The following KPNA6 variants were observed in gnomAD, a reference collection of about 807,000 sequenced individuals.
The protein encoded by KPNA6 is karyopherin subunit alpha 6, also known as importin subunit alpha-7.
Under a neutral mutation model 72.0 loss-of-function variants are expected in KPNA6, and 9 were observed. That is an observed-to-expected ratio of 0.13 (90% CI 0.08 to 0.22). KPNA6 has a LOEUF of 0.22. Among genes scored for constraint, KPNA6 ranks in the 10% least tolerant of loss-of-function variants. KPNA6 has a pLI of 1.00. For missense variants in KPNA6, 374 were observed against 655.7 expected, an observed-to-expected ratio of 0.57 and a Z score of 4.69; for synonymous variants, 219 against 242.1, an observed-to-expected ratio of 0.90 and a Z score of 0.89.
intron 1 of KPNA6, among the ~76,000 whole-genome samples, chr1:32,117,178 GTTT>G (rs1204898617): frequency 7.1e-6 from 1 of 141,284 alleles, no homozygotes; most frequent in Admixed American, 7.1e-5. Context: ...GTTTTTTTTT[GTTT>G]TTTTTTTTTG....
chr1:32,157,535 C>A, intron 4 of KPNA6, 90 bp downstream of exon 4: 1 of 889,222 alleles, frequency 1.1e-6, no homozygotes, highest in Non-Finnish European at 1.8e-6. Flanking sequence ...TGCCCTCACT[C>A]ATTCTGCTCT....
chr1:32,111,004 C>G (rs1356422104), intron 1 of KPNA6, among the ~76,000 whole-genome samples: 2 of 152,200 alleles, frequency 1.3e-5, no homozygotes, highest in Non-Finnish European at 2.9e-5. Flanking sequence ...CTTAAGCACT[C>G]TGGTTTCCAG....
chr1:32,154,057 G>A (rs189259097), intron 1 of KPNA6, among the ~76,000 whole-genome samples: 1 of 152,084 alleles, frequency 6.6e-6, no homozygotes, highest in African/African-American at 2.4e-5. Flanking sequence ...TGAGGCAGGA[G>A]AATCACGTGA....
chr1:32,159,338 C>T (rs1570060927), intron 5 of KPNA6, 62 bp from the exon 6 acceptor site: 9 of 1,567,694 alleles, frequency 5.7e-6, no homozygotes, highest in Non-Finnish European at 7.8e-6. Context: ...TCTGAGCCAG[C>T]TGATAGGCAT....
intron 1 of KPNA6, among the ~76,000 whole-genome samples, chr1:32,139,093 G>A (rs577379974): frequency 6.6e-6 from 1 of 152,104 alleles, no homozygotes; most frequent in Non-Finnish European, 1.5e-5. Flanking sequence ...GTTGTGGCTA[G>A]GCCTTGTGTC....
At chr1:32,108,387 G>T (rs908467064) in intron 1 of KPNA6, among the ~76,000 whole-genome samples, 1 of 152,254 alleles carries the variant, frequency 6.6e-6, no homozygotes, top group Non-Finnish European at 1.5e-5. Flanking sequence ...GTGGCCTCGG[G>T]CAGGAGCCCA....
At chr1:32,114,594 G>A in intron 1 of KPNA6, among the ~76,000 whole-genome samples, 1 of 151,988 alleles carries the variant, frequency 6.6e-6, no homozygotes, top group East Asian at 1.9e-4. Flanking sequence ...TAGTAATTGA[G>A]CATTGACTTC....
chr1:32,120,796 G>T (rs905306657), intron 1 of KPNA6, among the ~76,000 whole-genome samples: 4 of 151,646 alleles, frequency 2.6e-5, no homozygotes, highest in African/African-American at 9.7e-5. Flanking sequence ...TTGAACACCT[G>T]ACCTCAGGTG....
chr1:32,172,340 G>A lies in KPNA6; in HGVS notation c.*1446G>A, dbSNP rs1388640516. The A allele has an allele frequency of 6.6e-6, 1 of 152,128 alleles. No individual in the cohort carries two copies. The highest frequency in any genetic ancestry group is 1.5e-5 in the Non-Finnish European group (1 of 68,060). 9.4% of individuals were successfully genotyped at this position (152,128 alleles called of 1,614,324 possible). ...ATGGCCTCAGGGCCTGGTGAAGTCT[G>A]CTACTCTGTCCTTACTGCTGAACAT... On this transcript the variant is annotated 3_prime_UTR_variant, in exon 14 of 14. Coordinates refer to ENST00000373625, the MANE Select transcript of KPNA6 (RefSeq NM_012316.5).
chr1:32,114,541 C>T (rs1019824455), intron 1 of KPNA6, among the ~76,000 whole-genome samples: 1 of 151,630 alleles, frequency 6.6e-6, no homozygotes, highest in African/African-American at 2.4e-5. Context: ...AGCATAAACA[C>T]AGTGGATTCA....
intron 1 of KPNA6, among the ~76,000 whole-genome samples, chr1:32,128,077 G>A (rs905042211): frequency 4.0e-5 from 6 of 151,894 alleles, no homozygotes; most frequent in Admixed American, 3.3e-4. Context: ...ACTTTAATTC[G>A]TTTTAGTCCC....
At chr1:32,146,585 A>G (rs542703844) in intron 1 of KPNA6, among the ~76,000 whole-genome samples, 1 of 152,330 alleles carries the variant, frequency 6.6e-6, no homozygotes, top group East Asian at 1.9e-4. Context: ...GAAGCATACA[A>G]AACTGCTCAT....
At chr1:32,162,173 G>C (rs906127154) in intron 8 of KPNA6, 127 bp downstream of exon 8, 15 of 922,326 alleles carry the variant, frequency 1.6e-5, no homozygotes, top group Admixed American at 8.7e-5. Context: ...TAGTGAAGTA[G>C]ATGATCTTGT....
intron 1 of KPNA6, among the ~76,000 whole-genome samples, chr1:32,139,611 A>G (rs1221843056): frequency 6.6e-6 from 1 of 152,248 alleles, no homozygotes. Context: ...GAGGCGTTCT[A>G]TAAGAAAACT....
At chr1:32,142,294 G>A (rs935897608) in intron 1 of KPNA6, among the ~76,000 whole-genome samples, 3 of 150,592 alleles carry the variant, frequency 2.0e-5, no homozygotes, top group Admixed American at 1.3e-4. Flanking sequence ...TGTCAGAAGG[G>A]TTGTTTTATT....
At chr1:32,129,763 A>C (rs768898155) in intron 1 of KPNA6, among the ~76,000 whole-genome samples, 1 of 152,074 alleles carries the variant, frequency 6.6e-6, no homozygotes, top group African/African-American at 2.4e-5. Context: ...AGGTCTCACT[A>C]TGTTTCCCAG....
At chr1:32,143,072 C>T (rs1176138132) in intron 1 of KPNA6, 1 of 1,083,538 alleles carries the variant, frequency 9.2e-7, no homozygotes, top group Admixed American at 2.3e-5. Flanking sequence ...AATCTGTTGT[C>T]TACTCTGTTA....
At position 32,171,038 on chromosome 1, in the gene KPNA6, G is replaced by A. The variant is rs187064810; in HGVS notation, c.*144G>A. The stretch of plus-strand genomic sequence containing the variant: ...GGAGACTGTGCTCTTGACCTGCTCC[G>A]CCCCCTTCCCTGGAGGGAGCACCCT... On this transcript the variant is annotated 3_prime_UTR_variant, in exon 14 of 14. Transcript: ENST00000373625. 3.1e-4 allele frequency: 216 copies of A among 693,116 alleles called. No homozygotes were observed. The African/African-American group carries it at 3.4e-3, about 11-fold the overall frequency. The allele number at this position is 693,116 out of a possible 1,614,324, so 42.9% of individuals were successfully genotyped here.
intron 4 of KPNA6, among the ~76,000 whole-genome samples, chr1:32,157,907 G>T (rs1557480201): frequency 1.3e-5 from 2 of 152,102 alleles, no homozygotes; most frequent in Admixed American, 6.6e-5. Context: ...AATACCTCTT[G>T]TTTCAGTATA....
Sources: allele counts gnomAD v4.1 joint callset (sites outside exome capture counted in the v4.1 genomes callset), GRCh38; gene constraint gnomAD v4.1.1; transcripts MANE v1.5; gene names NCBI Gene and HGNC (gene_info 2026-07-23, HGNC 2026-07-21).